The following PPP2R2D variants were observed in gnomAD, a reference collection of about 807,000 sequenced individuals.
PPP2R2D encodes the protein serine/threonine-protein phosphatase 2A 55 kDa regulatory subunit B delta isoform.
PPP2R2D carries 9 observed loss-of-function variants against 31.1 expected under a neutral mutation model. The ratio of observed to expected loss-of-function variants is 0.29; its 90% CI spans 0.17 to 0.51. The LOEUF is 0.51. Among genes scored for constraint, PPP2R2D ranks in the 20% least tolerant of loss-of-function variants. The probability of loss-of-function intolerance (pLI) is 0.98; values close to 1 mark genes in which losing one functional copy is unlikely to be tolerated. For missense variants in PPP2R2D, 391 were observed against 465.6 expected (o/e 0.84, Z 1.48); for synonymous variants, 179 against 172.6 (o/e 1.04, Z -0.29).
At chr10:131,962,052 C>G (rs1249348712), downstream of PPP2R2D, among the ~76,000 whole-genome samples, 4 of 152,222 alleles carry the variant, frequency 2.6e-5, no homozygotes, top group Admixed American at 2.6e-4. Flanking sequence ...GTGCCCGGGA[C>G]TCTGCTTCTG....
chr10:131,925,403 A>T (rs1554894780), intron 2 of PPP2R2D, among the ~76,000 whole-genome samples: 1 of 152,204 alleles, frequency 6.6e-6, no homozygotes, highest in Admixed American at 6.5e-5. Flanking sequence ...TGAGATGACC[A>T]TGTGGTCTTT....
At chr10:131,968,596 A>G in the PPP2R2D span, 1 of 1,566,214 alleles carries the variant, frequency 6.4e-7, no homozygotes, top group South Asian at 1.1e-5. Context: ...TCAGTAGTTA[A>G]TGTATCTTGT....
chr10:131,958,299 G>A lies in PPP2R2D; in HGVS notation c.*2336G>A. The A allele has an allele frequency of 4.6e-6, 1 of 216,918 alleles. No homozygotes were observed. The highest frequency in any genetic ancestry group is 9.1e-6 in the Non-Finnish European group (1 of 109,820). 13.4% of individuals were successfully genotyped at this position (216,918 alleles called of 1,614,324 possible). The stretch of plus-strand genomic sequence containing the variant: ...TCCCCCGTCCCCCTGTGGAGATGAA[G>A]GTGTGTGCTGATCCCCCATCCCCCT... On this transcript the variant is annotated 3_prime_UTR_variant, in exon 9 of 9. Transcript: ENST00000455566.
Position 131,933,604 on chromosome 10 carries a change from A to G in PPP2R2D, c.101-854A>G, listed in dbSNP as rs193276935. ...GCCTTATCCTCAGTCCGCACGCGAC[A>G]CAGCAGCACTGCGGAGAAGCCAGCC... On this transcript the variant is annotated intron_variant, in intron 2 of 8. Coordinates refer to ENST00000455566, the MANE Select transcript of PPP2R2D (RefSeq NM_018461.5). 3.4e-3 allele frequency among the ~76,000 whole-genome samples: 523 copies of G among 152,254 alleles called. 2 individuals are homozygous for G. Among genetic ancestry groups the G allele is most frequent in the Middle Eastern group, 0.01 (3 of 294 alleles).
chr10:131,964,971 G>T, the PPP2R2D span, among the ~76,000 whole-genome samples: 2 of 151,992 alleles, frequency 1.3e-5, no homozygotes, highest in Non-Finnish European at 2.9e-5. Flanking sequence ...ATTTAATTCT[G>T]CCTTATTCAC....
chr10:131,953,186 T>G (rs2036716890), intron 8 of PPP2R2D, among the ~76,000 whole-genome samples: 1 of 14,846 alleles, frequency 6.7e-5, no homozygotes, highest in Non-Finnish European at 1.1e-4. Flanking sequence ...TGCGGGGGGT[T>G]TCACTGTCTT....
At chr10:131,932,656 A>AAC (rs2036259724) in intron 2 of PPP2R2D, among the ~76,000 whole-genome samples, 1 of 149,018 alleles carries the variant, frequency 6.7e-6, no homozygotes, top group Non-Finnish European at 1.5e-5. Flanking sequence ...CAAAAAAAAA[A>AAC]AAAAAAAAAA....
At chr10:131,911,883 T>C (rs1046962345) in intron 2 of PPP2R2D, 2 of 152,138 alleles carry the variant, frequency 1.3e-5, no homozygotes, top group Non-Finnish European at 2.9e-5. Flanking sequence ...TGGTTTTGTC[T>C]CAAAATACAA....
downstream of PPP2R2D, chr10:131,959,968 G>A (rs7912908): frequency 0.091 from 13,883 of 152,268 alleles, 797 homozygotes; most frequent in Non-Finnish European, 0.13. Flanking sequence ...GAGGTTCCAC[G>A]TGGCACTGCT....
intron 2 of PPP2R2D, among the ~76,000 whole-genome samples, chr10:131,923,417 T>C (rs1554894505): frequency 2.0e-5 from 3 of 152,238 alleles, no homozygotes; most frequent in African/African-American, 7.2e-5. Context: ...GACATTCTTG[T>C]ACATGTTTTT....
In PPP2R2D at chr10:131,940,211, C is replaced by A; in HGVS notation, c.364+15C>A. The A allele has an allele frequency of 1.5e-6, 1 of 673,152 alleles. No individual in the cohort carries two copies. The allele number at this position is 673,152 out of a possible 1,614,324, so 41.7% of individuals were successfully genotyped here. A position where few individuals can be genotyped will look rare whatever the true frequency, so the allele number is the denominator to read the frequency against. ...GTCTACAAATGGTAAGAATTGTGTT[C>A]TAAGTGGCTGTTTGATTTAGTTTTT... On this transcript the variant is annotated intron_variant, in intron 4 of 8. Coordinates refer to ENST00000455566, the MANE Select transcript of PPP2R2D (RefSeq NM_018461.5).
At chr10:131,917,200 G>T in intron 2 of PPP2R2D, among the ~76,000 whole-genome samples, 1 of 145,562 alleles carries the variant, frequency 6.9e-6, no homozygotes, top group East Asian at 2.4e-4. Context: ...ACCTCAGGTG[G>T]GTGGAATGAC....
At chr10:131,942,142 A>G (rs2036453397) in intron 5 of PPP2R2D, among the ~76,000 whole-genome samples, 1 of 152,014 alleles carries the variant, frequency 6.6e-6, no homozygotes, top group African/African-American at 2.4e-5. Context: ...TCTGCAGCCA[A>G]CACCACCTCC....
intron 2 of PPP2R2D, among the ~76,000 whole-genome samples, chr10:131,913,211 A>G (rs1454313725): frequency 1.1e-5 from 1 of 92,266 alleles, no homozygotes; most frequent in Non-Finnish European, 2.3e-5. Context: ...TTGTATTTTT[A>G]GTAGAGTTGG....
At chr10:131,944,749 G>A (rs996679181) in intron 6 of PPP2R2D, among the ~76,000 whole-genome samples, 2 of 152,194 alleles carry the variant, frequency 1.3e-5, no homozygotes, top group African/African-American at 4.8e-5. Flanking sequence ...CTTGAAGGGT[G>A]AAACTGGGAC....
chr10:131,930,733 C>T lies in PPP2R2D; in HGVS notation c.101-3725C>T, dbSNP rs146778808. Among the ~76,000 whole-genome samples, 93 of 152,304 alleles carry T rather than the reference C, an allele frequency of 6.1e-4. 1 individual carries two copies. The East Asian group carries it at 0.015, about 24-fold the overall frequency. On this transcript the variant is annotated intron_variant, in intron 2 of 8. Transcript: ENST00000455566. ...ATCCCTGGTGTTGAGATGTGCGCGG[C>T]CTGGGTCTGCCATCAGCCATGCGGG... is the stretch of plus-strand genomic sequence containing the variant.
intron 2 of PPP2R2D, among the ~76,000 whole-genome samples, chr10:131,921,542 G>A (rs1466191799): frequency 7.2e-5 from 11 of 152,174 alleles, no homozygotes; most frequent in Non-Finnish European, 7.3e-5. Context: ...GACTTGACAT[G>A]GGAGAAGAAC....
In PPP2R2D at chr10:131,945,243, C is replaced by T. The variant is rs1554897794; in HGVS notation, c.656-52C>T. The T allele has an allele frequency of 1.3e-6, 2 of 1,571,400 alleles. No individual in the cohort carries two copies. Among genetic ancestry groups the T allele is most frequent in the Middle Eastern group, 1.7e-4 (1 of 5,886 alleles). On this transcript the variant is annotated intron_variant, in intron 6 of 8. Transcript: ENST00000455566. The surrounding 1 kb of genome is among the most constrained non-coding windows in gnomAD (Gnocchi z 4.8). ...CCTATTTCGCGTGACTGAATGTAGA[C>T]TAATTAACAACCAGCTGAGCTGAGC... is the stretch of plus-strand genomic sequence containing the variant.
chr10:131,970,093 C>T, the PPP2R2D span: 4 of 153,506 alleles, frequency 2.6e-5, no homozygotes, highest in African/African-American at 9.6e-5. The surrounding 1 kb of genome is among the most constrained non-coding windows in gnomAD (Gnocchi z 4.1). Flanking sequence ...GCAGGAGAGT[C>T]GCTTGAACCC....
Sources: gnomAD v4.1 joint callset for allele counts (sites outside exome capture counted in the v4.1 genomes callset) on GRCh38, gnomAD v4.1.1 for gene constraint, Gnocchi (gnomAD v3.1) non-coding constraint, MANE v1.5 for transcripts, NCBI Gene and HGNC (gene_info 2026-07-23, HGNC 2026-07-21) for gene names.